The following CHODL variants were observed in gnomAD, a reference collection of about 807,000 sequenced individuals.
CHODL encodes transmembrane protein MT75.
Under a neutral mutation model 34.5 loss-of-function variants are expected in CHODL, and 29 were observed. The observed-to-expected ratio is 0.84, with a 90% CI of 0.63 to 1.15. The LOEUF (loss-of-function observed/expected upper bound fraction) is 1.15. Ranked by LOEUF, CHODL falls within the 50% of genes most tolerant of loss-of-function variation. The probability of loss-of-function intolerance (pLI) is 0.00; values close to 1 mark genes in which losing one functional copy is unlikely to be tolerated. For missense variants in CHODL, 332 were observed against 332.5 expected, an observed-to-expected ratio of 1.00 and a Z score of 0.01; for synonymous variants, 125 against 116.1, an observed-to-expected ratio of 1.08 and a Z score of -0.49.
chr21:18,264,330 AAAGAAAT>A lies in CHODL; in HGVS notation c.737+1438_737+1444del, dbSNP rs376948927. Among the ~76,000 whole-genome samples, 44 of 152,282 alleles carry A rather than the reference AAAGAAAT, an allele frequency of 2.9e-4. 1 individual carries two copies. The highest frequency in any genetic ancestry group is 1.0e-3 in the African/African-American group (43 of 41,576). On this transcript the variant is annotated intron_variant, in intron 5 of 5. Coordinates refer to ENST00000299295, the MANE Select transcript of CHODL (RefSeq NM_024944.3). ...GAGATTATCTTGAGGAAACCAGCCCAAAGAAATCTACTTTTGACAGGGCATCCAGTAG... is the reference window on the plus strand; with the variant it reads ...GAGATTATCTTGAGGAAACCAGCCCACTACTTTTGACAGGGCATCCAGTAG...
chr21:18,204,201 G>A (rs1307368243), intron 2 of CHODL, among the ~76,000 whole-genome samples: 1 of 152,016 alleles, frequency 6.6e-6, no homozygotes, highest in African/African-American at 2.4e-5. Flanking sequence ...AGAACTCATA[G>A]CAATACTTTG....
chr21:18,065,992 A>G (rs1050474730), intron 2 of CHODL, among the ~76,000 whole-genome samples: 1 of 152,152 alleles, frequency 6.6e-6, no homozygotes, highest in Non-Finnish European at 1.5e-5. Flanking sequence ...AGTATTTGTT[A>G]AGTTTCAATG....
At chr21:18,106,882 C>T (rs992806109) in intron 2 of CHODL, among the ~76,000 whole-genome samples, 1 of 152,182 alleles carries the variant, frequency 6.6e-6, no homozygotes, top group Non-Finnish European at 1.5e-5. Flanking sequence ...CTGCCATATA[C>T]CAGGCCTTAT....
At chr21:18,009,267 T>G (rs2146410033) in intron 1 of CHODL, among the ~76,000 whole-genome samples, 1 of 152,346 alleles carries the variant, frequency 6.6e-6, no homozygotes, top group South Asian at 2.1e-4. Flanking sequence ...ATTATATGTG[T>G]GGTGATTGTT....
chr21:18,262,169 G>A (rs2146825652), intron 4 of CHODL, among the ~76,000 whole-genome samples: 1 of 152,146 alleles, frequency 6.6e-6, no homozygotes, highest in Admixed American at 6.5e-5. Context: ...ATATCAAATT[G>A]GAACAGTTTG....
chr21:17,922,335 A>G (rs572685437), intron 1 of CHODL, among the ~76,000 whole-genome samples: 1 of 152,300 alleles, frequency 6.6e-6, no homozygotes, highest in Admixed American at 6.5e-5. Flanking sequence ...GAAAATTTAC[A>G]ACATTGTTCC....
chr21:18,081,776 T>C (rs2064945423), intron 2 of CHODL, among the ~76,000 whole-genome samples: 1 of 152,166 alleles, frequency 6.6e-6, no homozygotes, highest in Non-Finnish European at 1.5e-5. Flanking sequence ...TTAAGTATGA[T>C]GTTGGCTGTG....
At chr21:18,190,453 A>G (rs2073497888) in intron 2 of CHODL, among the ~76,000 whole-genome samples, 1 of 152,246 alleles carries the variant, frequency 6.6e-6, no homozygotes, top group Non-Finnish European at 1.5e-5. Context: ...ACTTCACGGC[A>G]AATCCTAATC....
intron 2 of CHODL, among the ~76,000 whole-genome samples, chr21:18,164,063 G>A (rs2146647841): frequency 6.6e-6 from 1 of 152,258 alleles, no homozygotes; most frequent in Non-Finnish European, 1.5e-5. Flanking sequence ...TAATTAAGTG[G>A]TTTTGGGTTG....
intron 2 of CHODL, among the ~76,000 whole-genome samples, chr21:18,214,597 A>G (rs1219356623): frequency 1.3e-5 from 2 of 152,136 alleles, no homozygotes; most frequent in Non-Finnish European, 2.9e-5. Context: ...GAAGCAATCT[A>G]CTTTCACTGA....
At chr21:18,186,171 G>A (rs1040922073) in intron 2 of CHODL, among the ~76,000 whole-genome samples, 11 of 152,010 alleles carry the variant, frequency 7.2e-5, no homozygotes, top group African/African-American at 2.4e-4. Flanking sequence ...CGACCCTACC[G>A]ACTGCAGAGG....
At chr21:18,155,393 C>G (rs920424164) in intron 2 of CHODL, among the ~76,000 whole-genome samples, 1 of 152,106 alleles carries the variant, frequency 6.6e-6, no homozygotes, top group Non-Finnish European at 1.5e-5. Flanking sequence ...TTCATTGTTT[C>G]CCTCCAAAGT....
At chr21:18,020,921 T>C (rs376520023) in intron 1 of CHODL, among the ~76,000 whole-genome samples, 1 of 152,126 alleles carries the variant, frequency 6.6e-6, no homozygotes, top group South Asian at 2.1e-4. Context: ...CCTGGCAAGA[T>C]AGCAAGACCC....
At chr21:18,230,065 A>G (rs2073965140) in intron 2 of CHODL, among the ~76,000 whole-genome samples, 1 of 152,128 alleles carries the variant, frequency 6.6e-6, no homozygotes, top group Non-Finnish European at 1.5e-5. Flanking sequence ...TGTACCTCAA[A>G]TGATTAAGTA....
At chr21:18,041,014 A>T (rs1744740986) in intron 2 of CHODL, among the ~76,000 whole-genome samples, 1 of 151,930 alleles carries the variant, frequency 6.6e-6, no homozygotes, top group African/African-American at 2.4e-5. Flanking sequence ...TGAGTTTTAA[A>T]TGCTCTTTAG....
intron 2 of CHODL, among the ~76,000 whole-genome samples, chr21:18,220,137 A>C (rs1047379068): frequency 6.6e-6 from 1 of 152,180 alleles, no homozygotes; most frequent in African/African-American, 2.4e-5. Context: ...TTATGTAAGC[A>C]TAACTACTCT....
intron 2 of CHODL, among the ~76,000 whole-genome samples, chr21:18,180,571 G>A (rs983674618): frequency 1.3e-5 from 2 of 152,120 alleles, no homozygotes; most frequent in Admixed American, 6.5e-5. Flanking sequence ...ACATTATTAC[G>A]TAGTTATTAA....
At chr21:18,235,729 A>G (rs951603012) in intron 2 of CHODL, among the ~76,000 whole-genome samples, 5 of 152,158 alleles carry the variant, frequency 3.3e-5, no homozygotes, top group African/African-American at 1.2e-4. Context: ...TATTGAAAAT[A>G]GCATTTGGTT....
chr21:18,259,004 G>A (rs368213458), intron 3 of CHODL, among the ~76,000 whole-genome samples: 1 of 152,086 alleles, frequency 6.6e-6, no homozygotes, highest in Non-Finnish European at 1.5e-5. Context: ...ACCCAGAGGA[G>A]GCTATTAAAA....
Sources: gnomAD v4.1 joint callset for allele counts (sites outside exome capture counted in the v4.1 genomes callset) on GRCh38, gnomAD v4.1.1 for gene constraint, MANE v1.5 for transcripts, NCBI Gene and HGNC (gene_info 2026-07-23, HGNC 2026-07-21) for gene names.